Variants in LARP4 observed in about 807,000 individuals in gnomAD.
The protein encoded by LARP4 is la-related protein 4.
A neutral mutation model predicts 92.9 loss-of-function variants in LARP4; 29 were observed. The observed-to-expected ratio is 0.31, with a 90% CI of 0.23 to 0.43. The LOEUF (loss-of-function observed/expected upper bound fraction) is 0.43, where lower values mean the gene tolerates loss of function less well. Among genes scored for constraint, LARP4 ranks in the 20% least tolerant of loss-of-function variants. LARP4 has a pLI of 1.00. For synonymous variants in LARP4, 279 were observed against 284.1 expected (o/e 0.98, Z 0.18); for missense variants, 732 against 860.0 (o/e 0.85, Z 1.86).
chr12:50,409,946 C>T (rs1945547320), intron 1 of LARP4, among the ~76,000 whole-genome samples: 1 of 151,746 alleles, frequency 6.6e-6, no homozygotes, highest in South Asian at 2.1e-4. Context: ...ACAGGTACCA[C>T]CATGCGTGGC....
intron 3 of LARP4, among the ~76,000 whole-genome samples, chr12:50,429,499 TC>T (rs1303042748): frequency 6.6e-6 from 1 of 151,916 alleles, no homozygotes; most frequent in Non-Finnish European, 1.5e-5. Flanking sequence ...AATCCCAAGA[TC>T]ATGCCACTGC....
Position 50,428,993 on chromosome 12 carries a change from T to C in LARP4, c.225T>C (p.Ser75=), listed in dbSNP as rs970415399. The C allele has an allele frequency of 3.1e-6, 5 of 1,610,112 alleles. No individual in the cohort carries two copies. The African/African-American group carries it at 6.7e-5, about 22-fold the overall frequency. ...CKEYEVMYSS[S]CETTRNTTGI... ...AATATGAAGTAATGTATTCTTCATC[T>C]TGTGAAACCACAAGAAATACTACAG... The change falls in exon 3 of 16, where the codon TCT becomes TCC. Residue 75 remains serine (S), a synonymous_variant. Coordinates refer to ENST00000398473, the MANE Select transcript of LARP4 (RefSeq NM_052879.5).
Position 50,411,002 on chromosome 12 carries a change from A to G in LARP4, c.18+9974A>G, listed in dbSNP as rs527309498. ...TTCTTCCACAGTAGAGGGCAAGTGA[A>G]TTCTGATTTTTGACAACTTCGGGAG... On this transcript the variant is annotated intron_variant, in intron 1 of 15. Transcript: ENST00000398473. 2.6e-5 allele frequency among the ~76,000 whole-genome samples: 4 copies of G among 152,222 alleles called. No individual in the cohort carries two copies. The South Asian group carries it at 6.2e-4, about 24-fold the overall frequency.
rs71083567 is a variant in LARP4 at position 50,420,947 on chromosome 12, C to CTTTTTTTTTTTTTTTTTTTTTTTT, written c.19-6798_19-6797insTTTTTTTTTTTTTTTTTTTTTTTT. ...ATTTGAAGGTACAGAATAACCTTTG[C>CTTTTTTTTTTTTTTTTTTTTTTTT]TTTTTTTTTTTTTTTTTGGAGAGAT... On this transcript the variant is annotated intron_variant, in intron 1 of 15. Transcript: ENST00000398473. 9.0e-5 allele frequency: 10 copies of CTTTTTTTTTTTTTTTTTTTTTTTT among 111,438 alleles called. 1 individual carries two copies. Among genetic ancestry groups the CTTTTTTTTTTTTTTTTTTTTTTTT allele is most frequent in the African/African-American group, 3.1e-4 (9 of 29,156 alleles). The allele number at this position is 111,438 out of a possible 1,614,324, so 6.9% of individuals were successfully genotyped here. A position where few individuals can be genotyped will look rare whatever the true frequency, so the allele number is the denominator to read the frequency against.
At chr12:50,418,022 G>A (rs561563270) in intron 1 of LARP4, among the ~76,000 whole-genome samples, 1 of 152,230 alleles carries the variant, frequency 6.6e-6, no homozygotes, top group South Asian at 2.1e-4. Flanking sequence ...CACCACGCCC[G>A]GCTAATTTTT....
chr12:50,475,692 C>T lies in LARP4; in HGVS notation c.2003C>T (p.Pro668Leu). 6.2e-7 allele frequency: 1 copy of T among 1,614,000 alleles called. No homozygotes were observed. The highest frequency in any genetic ancestry group is 1.1e-5 in the South Asian group (1 of 91,080). Reference protein sequence around the residue: ...ENSVEKPHEKPEARASKDYSG... With the variant: ...ENSVEKPHEKLEARASKDYSG... Reference sequence around the variant, plus strand: ...TCCGTTGAGAAACCACATGAGAAGCCAGAAGCAAGGGCTAGTAAGGATTAT... The same window carrying T: ...TCCGTTGAGAAACCACATGAGAAGCTAGAAGCAAGGGCTAGTAAGGATTAT... The change falls in exon 16 of 16, where the codon CCA becomes CTA. Residue 668 changes from proline (P) to leucine (L), a missense_variant. Transcript: ENST00000398473.
chr12:50,436,669 G>A (rs1242451587), intron 5 of LARP4, among the ~76,000 whole-genome samples: 3 of 152,138 alleles, frequency 2.0e-5, no homozygotes, highest in Non-Finnish European at 4.4e-5. Context: ...TGGATTTTGT[G>A]TCTTGTATCA....
rs147277522 is a variant in LARP4 at position 50,472,574 on chromosome 12, C to T, written c.1546-841C>T. Reference sequence around the variant, plus strand: ...TTGCTCTGTTCCCAGGAGGGAGTGCCGTGGTACTATCATGGTTCACTGCAG... The same window carrying T: ...TTGCTCTGTTCCCAGGAGGGAGTGCTGTGGTACTATCATGGTTCACTGCAG... On this transcript the variant is annotated intron_variant, in intron 13 of 15. Coordinates refer to ENST00000398473, the MANE Select transcript of LARP4 (RefSeq NM_052879.5). Among the ~76,000 whole-genome samples the T allele has an allele frequency of 3.8e-3, 569 of 151,642 alleles. 4 individuals are homozygous for T. Among genetic ancestry groups the T allele is most frequent in the African/African-American group, 0.013 (531 of 41,302 alleles).
rs936878370 is a variant in LARP4 at position 50,400,919 on chromosome 12, A to G, written c.-92A>G. ...CACTGCCGGGTGGAGGGGCAAGGCG[A>G]GTGTGTGTCCTTATCCTAGCAATTG... On this transcript the variant is annotated 5_prime_UTR_variant, in exon 1 of 16. Transcript: ENST00000398473. The G allele has an allele frequency of 2.0e-5, 31 of 1,566,740 alleles. No individual in the cohort carries two copies. The highest frequency in any genetic ancestry group is 2.7e-5 in the African/African-American group (2 of 73,916).
chr12:50,445,163 C>G (rs1283824221), intron 8 of LARP4, among the ~76,000 whole-genome samples: 1 of 152,094 alleles, frequency 6.6e-6, no homozygotes, highest in African/African-American at 2.4e-5. Context: ...TAAGGCCTCC[C>G]AAAGTGTTGG....
intron 8 of LARP4, among the ~76,000 whole-genome samples, chr12:50,445,903 T>C (rs965929516): frequency 4.6e-5 from 7 of 152,180 alleles, no homozygotes; most frequent in African/African-American, 1.7e-4. Flanking sequence ...CTGGGTCATC[T>C]TGGAGTCCTT....
At position 50,460,981 on chromosome 12, in the gene LARP4, G is replaced by A. The variant is rs79891227; in HGVS notation, c.1122-154G>A. On this transcript the variant is annotated intron_variant, in intron 10 of 15. Coordinates refer to ENST00000398473, the MANE Select transcript of LARP4 (RefSeq NM_052879.5). ...CACTTTTTAAAATAACATCTGGAATGTAAAAGGGGCAACACTTTTACAACA... is the reference window on the plus strand; with the variant it reads ...CACTTTTTAAAATAACATCTGGAATATAAAAGGGGCAACACTTTTACAACA... 9.8e-3 allele frequency among the ~76,000 whole-genome samples: 1,486 copies of A among 152,250 alleles called. 28 individuals are homozygous for A. The highest frequency in any genetic ancestry group is 0.034 in the African/African-American group (1,421 of 41,552).
chr12:50,445,074 T>C (rs1369580761), intron 8 of LARP4, among the ~76,000 whole-genome samples: 1 of 146,988 alleles, frequency 6.8e-6, no homozygotes, highest in Non-Finnish European at 1.5e-5. Context: ...ATTTTTCTAC[T>C]TTTTTTGTGG....
chr12:50,475,677 A>G lies in LARP4; in HGVS notation c.1988A>G (p.Lys663Arg), dbSNP rs748484357. The G allele has an allele frequency of 7.4e-6, 12 of 1,614,052 alleles. No individual in the cohort carries two copies. The African/African-American group carries it at 1.2e-4, about 16-fold the overall frequency. The change falls in exon 16 of 16, where the codon AAA becomes AGA. Residue 663 changes from lysine (K) to arginine (R), a missense_variant. By Grantham distance (26) the Lys-to-Arg change is conservative. Coordinates refer to ENST00000398473, the MANE Select transcript of LARP4 (RefSeq NM_052879.5). ...DNGAPENSVEKPHEKPEARAS... is the reference protein window; with the variant it reads ...DNGAPENSVERPHEKPEARAS... ...GGAGCTCCTGAGAACTCCGTTGAGA[A>G]ACCACATGAGAAGCCAGAAGCAAGG... is the stretch of plus-strand genomic sequence containing the variant.
chr12:50,472,237 AT>A (rs1236497179), intron 13 of LARP4, among the ~76,000 whole-genome samples: 1 of 152,208 alleles, frequency 6.6e-6, no homozygotes, highest in Non-Finnish European at 1.5e-5. Flanking sequence ...GTTTTGTAGT[AT>A]TAAGTACCTT....
chr12:50,475,635 C>A lies in LARP4; in HGVS notation c.1946C>A (p.Thr649Asn), dbSNP rs758217567. The A allele has an allele frequency of 6.2e-7, 1 of 1,614,052 alleles. No homozygotes were observed. The highest frequency in any genetic ancestry group is 8.5e-7 in the Non-Finnish European group (1 of 1,180,010). ...RELRSNVVSP[T>N]KNEDNGAPEN... The stretch of plus-strand genomic sequence containing the variant: ...CTTCGCTCCAATGTGGTGTCTCCCA[C>A]CAAAAATGAAGACAATGGAGCTCCT... Residue 649 changes from threonine (T) to asparagine (N), a missense_variant, in exon 16 of 16, where the codon ACC becomes AAC. Coordinates refer to ENST00000398473, the MANE Select transcript of LARP4 (RefSeq NM_052879.5).
chr12:50,471,400 A>AT (rs1555173831), intron 13 of LARP4, among the ~76,000 whole-genome samples: 4 of 152,184 alleles, frequency 2.6e-5, no homozygotes, highest in Non-Finnish European at 5.9e-5. Flanking sequence ...GTGATATTCT[A>AT]TTGTAGGAAG....
In LARP4 at chr12:50,440,566, T is replaced by C; in HGVS notation, c.750+17T>C. ...GCACAACAGGTAAGAAGAAAACATTTTCTGATACAAGTCCATCCTAGTGGC... is the reference window on the plus strand; with the variant it reads ...GCACAACAGGTAAGAAGAAAACATTCTCTGATACAAGTCCATCCTAGTGGC... On this transcript the variant is annotated intron_variant, in intron 7 of 15. Coordinates refer to ENST00000398473, the MANE Select transcript of LARP4 (RefSeq NM_052879.5). 6.5e-7 allele frequency: 1 copy of C among 1,547,908 alleles called. No homozygotes were observed. The highest frequency in any genetic ancestry group is 8.9e-7 in the Non-Finnish European group (1 of 1,120,762).
At position 50,401,453 on chromosome 12, in the gene LARP4, G is replaced by A. The variant is rs554494199; in HGVS notation, c.18+425G>A. 1.5e-4 allele frequency among the ~76,000 whole-genome samples: 23 copies of A among 152,330 alleles called. No individual in the cohort carries two copies. In the East Asian group the frequency reaches 4.4e-3, roughly 29 times the overall value. On this transcript the variant is annotated intron_variant, in intron 1 of 15. Coordinates refer to ENST00000398473, the MANE Select transcript of LARP4 (RefSeq NM_052879.5). ...GGGAGGGAGGCGAGCAACATGTGGG[G>A]CCACGGATGGAGAAAGGTGAAATGC...
Sources: gnomAD v4.1 joint callset for allele counts (sites outside exome capture counted in the v4.1 genomes callset) on GRCh38, gnomAD v4.1.1 for gene constraint, MANE v1.5 for transcripts, NCBI Gene and HGNC (gene_info 2026-07-23, HGNC 2026-07-21) for gene names.